TANC2: variants seen among roughly 807,000 people sequenced by gnomAD.
The protein encoded by TANC2 is tetratricopeptide repeat, ankyrin repeat and coiled-coil containing 2.
A neutral mutation model predicts 210.5 loss-of-function variants in TANC2; 26 were observed. The ratio of observed to expected loss-of-function variants is 0.12; its 90% confidence interval spans 0.09 to 0.17. TANC2 has a LOEUF of 0.17. Among genes scored for constraint, TANC2 ranks in the 10% least tolerant of loss-of-function variants. TANC2 has a pLI of 1.00. For missense variants in TANC2, 2,129 were observed against 2,608.9 expected (o/e 0.82, Z 4.01); for synonymous variants, 931 against 967.1 (o/e 0.96, Z 0.69).
intron 14 of TANC2, among the ~76,000 whole-genome samples, chr17:63,358,303 A>G (rs1041436876): frequency 1.3e-5 from 2 of 152,050 alleles, no homozygotes; most frequent in African/African-American, 4.8e-5. Flanking sequence ...ACATAGATGT[A>G]TCGTTGTCTC....
intron 4 of TANC2, among the ~76,000 whole-genome samples, chr17:63,130,004 G>A (rs2024228): frequency 0.6 from 91,417 of 151,676 alleles, 30,036 homozygotes; most frequent in African/African-American, 0.87. Context: ...TCATATATAC[G>A]GTATTTTACC....
At chr17:63,020,992 A>G (rs1235555800) in intron 2 of TANC2, among the ~76,000 whole-genome samples, 2 of 152,134 alleles carry the variant, frequency 1.3e-5, no homozygotes, top group African/African-American at 4.8e-5. Context: ...CCTCATTACC[A>G]TGGGGAGGGC....
At chr17:63,127,944 G>A (rs1285024983) in intron 4 of TANC2, among the ~76,000 whole-genome samples, 2 of 152,168 alleles carry the variant, frequency 1.3e-5, no homozygotes, top group Admixed American at 6.5e-5. Context: ...TTAGAGGCCA[G>A]TAGGCTACCT....
intron 9 of TANC2, among the ~76,000 whole-genome samples, chr17:63,287,713 T>C (rs1057213449): frequency 6.6e-6 from 1 of 151,286 alleles, no homozygotes; most frequent in Non-Finnish European, 1.5e-5. Context: ...GGAGTCTCTG[T>C]CACCCAAGCT....
intron 9 of TANC2, among the ~76,000 whole-genome samples, chr17:63,299,581 T>C (rs935379182): frequency 2.0e-5 from 3 of 151,816 alleles, no homozygotes; most frequent in Admixed American, 2.0e-4. Context: ...AAATGTCTTC[T>C]TTTGCGAAGT....
At chr17:63,087,649 TGA>T (rs1358208325) in intron 3 of TANC2, among the ~76,000 whole-genome samples, 2 of 152,174 alleles carry the variant, frequency 1.3e-5, no homozygotes, top group African/African-American at 4.8e-5. Context: ...CAATACTGAC[TGA>T]GAGTCTCATA....
rs1312463275 is a variant in TANC2, at chr17:63,412,921, C to A, written c.3928+212C>A. Among the ~76,000 whole-genome samples, 1 of 152,142 alleles carries A rather than the reference C, an allele frequency of 6.6e-6. No homozygotes were observed. On this transcript the variant is annotated intron_variant, in intron 24 of 27. Transcript: ENST00000689528. This position sits in a 1 kb window ranked among gnomAD's most constrained non-coding sequence, Gnocchi z 4.2. ...AAGCATAGTTTGTAAATAATTCAGG[C>A]ATTTGTAAACTAATCAATTTAACCT...
chr17:63,398,405 A>C (rs1289179054), intron 18 of TANC2, among the ~76,000 whole-genome samples: 2 of 151,898 alleles, frequency 1.3e-5, no homozygotes, highest in Non-Finnish European at 2.9e-5. Flanking sequence ...GCAGTGAGTC[A>C]TGAACACATT....
At chr17:63,290,081 G>A (rs997673788) in intron 9 of TANC2, among the ~76,000 whole-genome samples, 4 of 152,190 alleles carry the variant, frequency 2.6e-5, no homozygotes, top group African/African-American at 9.6e-5. Context: ...GTTCCCCTGA[G>A]GGCAGGCCTT....
intron 5 of TANC2, among the ~76,000 whole-genome samples, chr17:63,175,529 C>T (rs2040546636): frequency 1.1e-5 from 1 of 90,258 alleles, no homozygotes; most frequent in East Asian, 2.1e-4. Flanking sequence ...CCTGTCTCCC[C>T]CGCCAAAAAA....
chr17:63,285,851 G>A (rs935050998), intron 9 of TANC2, among the ~76,000 whole-genome samples: 1 of 152,086 alleles, frequency 6.6e-6, no homozygotes, highest in African/African-American at 2.4e-5. Flanking sequence ...AGGGGAGCAG[G>A]TAAACCACAT....
chr17:63,008,219 ATGTCTTTAAT>A (rs1290832174), intron 1 of TANC2, among the ~76,000 whole-genome samples: 1 of 152,038 alleles, frequency 6.6e-6, no homozygotes, highest in Non-Finnish European at 1.5e-5. Context: ...ATATGGCTTC[ATGTCTTTAAT>A]TAATGTTAGA....
intron 7 of TANC2, among the ~76,000 whole-genome samples, chr17:63,225,771 G>A (rs1247658206): frequency 2.0e-5 from 3 of 151,908 alleles, no homozygotes; most frequent in East Asian, 1.9e-4. Flanking sequence ...TTTCTAACTC[G>A]GATTGCTATA....
At chr17:63,134,288 C>T (rs2145247187) in intron 4 of TANC2, among the ~76,000 whole-genome samples, 1 of 152,252 alleles carries the variant, frequency 6.6e-6, no homozygotes, top group African/African-American at 2.4e-5. Context: ...CCTGTCATAT[C>T]ACCACCCCCA....
At chr17:63,386,503 A>G (rs1488635323) in intron 15 of TANC2, among the ~76,000 whole-genome samples, 3 of 152,226 alleles carry the variant, frequency 2.0e-5, no homozygotes, top group African/African-American at 7.2e-5. Flanking sequence ...AAGGTTGGCC[A>G]TGAGTTGAAA....
At chr17:63,089,989 A>G (rs1209696036) in intron 3 of TANC2, among the ~76,000 whole-genome samples, 1 of 152,178 alleles carries the variant, frequency 6.6e-6, no homozygotes, top group Non-Finnish European at 1.5e-5. Flanking sequence ...TGTACATACC[A>G]TGAATTTTTA....
rs575594759 is a variant in TANC2 at position 63,377,567 on chromosome 17, A to G, written c.2583-2151A>G. On this transcript the variant is annotated intron_variant, in intron 14 of 27. Transcript: ENST00000689528. ...CACCTCATCCTGGACTTCATTGTCC[A>G]TGTCACCATCAGCATTTTGGTCAAA... Among the ~76,000 whole-genome samples the G allele has an allele frequency of 3.9e-5, 6 of 152,322 alleles. No homozygotes were observed. The South Asian group carries it at 1.2e-3, about 32-fold the overall frequency.
intron 9 of TANC2, among the ~76,000 whole-genome samples, chr17:63,275,062 T>A (rs1195337883): frequency 6.6e-6 from 1 of 152,144 alleles, no homozygotes; most frequent in Non-Finnish European, 1.5e-5. Context: ...CAGGAGGAGT[T>A]AAAATATACA....
At chr17:63,280,803 A>G (rs2044036633) in intron 9 of TANC2, among the ~76,000 whole-genome samples, 1 of 152,054 alleles carries the variant, frequency 6.6e-6, no homozygotes, top group South Asian at 2.1e-4. Flanking sequence ...GGTCTTTTTT[A>G]CTTTGGCTAA....
Sources: allele counts gnomAD v4.1 joint callset (sites outside exome capture counted in the v4.1 genomes callset), GRCh38; gene constraint gnomAD v4.1.1; non-coding constraint Gnocchi (gnomAD v3.1); transcripts MANE v1.5; gene names NCBI Gene and HGNC (gene_info 2026-07-23, HGNC 2026-07-21).